The following RBFOX1 variants were observed in gnomAD, a reference collection of about 807,000 sequenced individuals.
The protein encoded by RBFOX1 is RNA binding protein fox-1 homolog 1.
In RBFOX1, 8 loss-of-function variants were observed where a neutral mutation model predicts 57.7. The ratio of observed to expected loss-of-function variants is 0.14; its 90% confidence interval spans 0.08 to 0.25. The LOEUF (loss-of-function observed/expected upper bound fraction) is 0.25, where lower values mean the gene tolerates loss of function less well. Among genes scored for constraint, RBFOX1 ranks in the 10% least tolerant of loss-of-function variants. The pLI, the probability that RBFOX1 is intolerant of heterozygous loss-of-function variation, is 1.00. For synonymous variants in RBFOX1, 326 were observed against 222.4 expected (o/e 1.47, Z -4.15); for missense variants, 611 against 548.5 (o/e 1.11, Z -1.14).
At chr16:7,503,337 C>T (rs976460058) in intron 4 of RBFOX1, among the ~76,000 whole-genome samples, 3 of 152,282 alleles carry the variant, frequency 2.0e-5, no homozygotes, top group East Asian at 3.9e-4. Context: ...TCCTCTCTTA[C>T]AAAGAAAGTT....
chr16:7,639,261 C>G (rs532679219), intron 11 of RBFOX1, among the ~76,000 whole-genome samples: 1 of 152,302 alleles, frequency 6.6e-6, no homozygotes, highest in South Asian at 2.1e-4. Context: ...GTTTCCATTT[C>G]TATCCCCACA....
chr16:5,499,363 C>T (rs2043110310), intron 2 of RBFOX1, among the ~76,000 whole-genome samples: 1 of 152,142 alleles, frequency 6.6e-6, no homozygotes. Flanking sequence ...CTCTCTCTGT[C>T]CAGGTCTCGG....
chr16:5,796,904 G>T (rs147903376), intron 3 of RBFOX1, among the ~76,000 whole-genome samples: 1 of 152,228 alleles, frequency 6.6e-6, no homozygotes, highest in Non-Finnish European at 1.5e-5. Context: ...TTACTCATGT[G>T]ACAATATTTA....
At chr16:7,127,031 T>C (rs1393138477) in intron 4 of RBFOX1, among the ~76,000 whole-genome samples, 3 of 141,800 alleles carry the variant, frequency 2.1e-5, no homozygotes, top group African/African-American at 8.2e-5. Context: ...AAAAAAAAAT[T>C]ATTGCAGACC....
chr16:7,297,532 G>A (rs55997648), intron 4 of RBFOX1, among the ~76,000 whole-genome samples: 1 of 152,120 alleles, frequency 6.6e-6, no homozygotes, highest in African/African-American at 2.4e-5. Context: ...ATGTAGCTTA[G>A]TCCATTCCCT....
intron 4 of RBFOX1, among the ~76,000 whole-genome samples, chr16:7,332,463 A>C (rs1013985195): frequency 2.0e-5 from 3 of 152,136 alleles, no homozygotes; most frequent in Admixed American, 2.0e-4. Context: ...TTTTTTTTCT[A>C]TCAGTGCCAA....
At position 7,202,812 on chromosome 16, in the gene RBFOX1, C is replaced by G. The variant is rs139497972; in HGVS notation, c.27+150714C>G. Among the ~76,000 whole-genome samples the G allele has an allele frequency of 6.7e-4, 102 of 152,320 alleles. No homozygotes were observed. The East Asian group carries it at 0.013, about 19-fold the overall frequency. ...CCATCCCCTGCAACAGCCCCCCACC[C>G]TGGCCATTAGTTTATCTTCCACAAA... is the stretch of plus-strand genomic sequence containing the variant. On this transcript the variant is annotated intron_variant, in intron 4 of 15. Coordinates refer to ENST00000550418, the MANE Select transcript of RBFOX1 (RefSeq NM_018723.4).
At chr16:7,307,599 TCTC>T (rs1234364350) in intron 4 of RBFOX1, among the ~76,000 whole-genome samples, 1 of 152,208 alleles carries the variant, frequency 6.6e-6, no homozygotes, top group Non-Finnish European at 1.5e-5. Flanking sequence ...CTTTTCTCCT[TCTC>T]CTCTTTTTTC....
At chr16:6,466,119 C>G (rs948273942) in intron 2 of RBFOX1, among the ~76,000 whole-genome samples, 1 of 151,552 alleles carries the variant, frequency 6.6e-6, no homozygotes, top group Non-Finnish European at 1.5e-5. Flanking sequence ...ATCCCAGCTA[C>G]TTGGGAGGCT....
chr16:5,788,973 G>A (rs1348407212), intron 3 of RBFOX1, among the ~76,000 whole-genome samples: 1 of 152,160 alleles, frequency 6.6e-6, no homozygotes. Context: ...CCTACCCTAT[G>A]TGGGAGTCAA....
chr16:7,396,055 A>G (rs1184314049), intron 4 of RBFOX1, among the ~76,000 whole-genome samples: 2 of 152,134 alleles, frequency 1.3e-5, no homozygotes, highest in African/African-American at 2.4e-5. Context: ...GAATTCATGA[A>G]TGGTGGGTTC....
At chr16:7,462,775 G>C (rs963142786) in intron 4 of RBFOX1, among the ~76,000 whole-genome samples, 1 of 152,202 alleles carries the variant, frequency 6.6e-6, no homozygotes, top group African/African-American at 2.4e-5. Context: ...TTCAGAAGCT[G>C]CCCGTATTCC....
chr16:5,998,256 T>C (rs758291467), intron 4 of RBFOX1, among the ~76,000 whole-genome samples: 20 of 152,198 alleles, frequency 1.3e-4, no homozygotes, highest in Non-Finnish European at 2.8e-4. Context: ...ATCTCTCCCT[T>C]AGATCTCTTT....
intron 4 of RBFOX1, among the ~76,000 whole-genome samples, chr16:7,410,264 A>G (rs912783481): frequency 1.3e-5 from 2 of 152,258 alleles, no homozygotes; most frequent in Non-Finnish European, 2.9e-5. Context: ...TTAGACCAAC[A>G]CAGCCACTGT....
intron 3 of RBFOX1, among the ~76,000 whole-genome samples, chr16:5,770,198 A>T (rs1439775073): frequency 6.6e-6 from 1 of 151,818 alleles, no homozygotes; most frequent in Non-Finnish European, 1.5e-5. Context: ...GGACATCAAC[A>T]GGACTGTTTT....
At chr16:5,324,299 C>A (rs1204074672) in intron 1 of RBFOX1, among the ~76,000 whole-genome samples, 3 of 152,150 alleles carry the variant, frequency 2.0e-5, no homozygotes, top group Non-Finnish European at 4.4e-5. Flanking sequence ...CCCATCTCTA[C>A]TAAAAATGCA....
At chr16:5,501,986 G>A (rs1434414401) in intron 2 of RBFOX1, among the ~76,000 whole-genome samples, 1 of 151,860 alleles carries the variant, frequency 6.6e-6, no homozygotes, top group Non-Finnish European at 1.5e-5. Flanking sequence ...GCCTCCCAAA[G>A]TGCTGGGATT....
chr16:6,136,746 C>T (rs1203800391), intron 1 of RBFOX1, among the ~76,000 whole-genome samples: 1 of 152,160 alleles, frequency 6.6e-6, no homozygotes, highest in African/African-American at 2.4e-5. Flanking sequence ...ATACCTAATG[C>T]ATCACAAGCC....
At chr16:6,048,237 G>C (rs538330860) in intron 1 of RBFOX1, among the ~76,000 whole-genome samples, 2 of 152,304 alleles carry the variant, frequency 1.3e-5, no homozygotes, top group South Asian at 4.1e-4. Flanking sequence ...AGGCAGTTCA[G>C]CTTGGCTGAG....
Sources: allele counts gnomAD v4.1 joint callset (sites outside exome capture counted in the v4.1 genomes callset), GRCh38; gene constraint gnomAD v4.1.1; transcripts MANE v1.5; gene names NCBI Gene and HGNC (gene_info 2026-07-23, HGNC 2026-07-21).